Variants in FGF13 observed in about 807,000 individuals in gnomAD.
FGF13 encodes the protein fibroblast growth factor homologous factor 2.
In FGF13, 2 loss-of-function variants were observed where a neutral mutation model predicts 19.5. That is an observed-to-expected ratio of 0.10 (90% CI 0.04 to 0.32). The LOEUF is 0.32. Ranked by LOEUF, FGF13 falls within the 10% of genes least tolerant of loss-of-function variation. The pLI is 1.00. For synonymous variants in FGF13, 72 were observed against 76.9 expected (o/e 0.94, Z 0.33); for missense variants, 113 against 192.7 (o/e 0.59, Z 2.45).
intron 3 of FGF13, among the ~76,000 whole-genome samples, chrX:138,804,729 G>T (rs2090853463): frequency 8.9e-6 from 1 of 112,041 alleles, no homozygotes; most frequent in African/African-American, 3.2e-5. Context: ...TCAAGTCTGT[G>T]CTGTATAAGT....
intron 1 of FGF13, among the ~76,000 whole-genome samples, chrX:138,733,505 A>T (rs1479258996): frequency 9.0e-6 from 1 of 111,409 alleles, no homozygotes; most frequent in African/African-American, 3.3e-5. Flanking sequence ...ACAAACCAAA[A>T]CTTGCTGAAA....
rs200098599 is a variant in FGF13 at position 138,930,735 on chromosome X, A to G, written c.-112-66085T>C. Among the ~76,000 whole-genome samples, 13 of 112,065 alleles carry G rather than the reference A, an allele frequency of 1.2e-4. No individual in the cohort carries two copies. The East Asian group carries it at 3.7e-3, about 31-fold the overall frequency. The stretch of plus-strand genomic sequence containing the variant: ...ATAAGCCCAGCTGCTTCTGTACTGC[A>G]GCTGTTTACCAAAAGTGCATCACAG... On this transcript the variant is annotated intron_variant, in intron 1 of 2. Transcript: ENST00000421460.
At chrX:139,141,102 T>TACAC (rs748785543) in intron 1 of FGF13, among the ~76,000 whole-genome samples, 2,693 of 97,140 alleles carry the variant, frequency 0.028, 75 homozygotes, top group East Asian at 0.093. Context: ...GATAAGAGTG[T>TACAC]ACACACACAC....
At chrX:138,647,603 C>A (rs1244789261) in intron 3 of FGF13, among the ~76,000 whole-genome samples, 1 of 111,574 alleles carries the variant, frequency 9.0e-6, no homozygotes, top group Non-Finnish European at 1.9e-5. Flanking sequence ...ATTTGGCTTG[C>A]CTTGTATTTC....
At chrX:138,940,405 C>G (rs957639326) in intron 1 of FGF13, among the ~76,000 whole-genome samples, 2 of 111,843 alleles carry the variant, frequency 1.8e-5, no homozygotes, top group Non-Finnish European at 3.8e-5. Context: ...TTGATAGTTT[C>G]TTTTGCTGTG....
Position 138,701,128 on chromosome X carries a change from A to G in FGF13, c.402+1856T>C, listed in dbSNP as rs141399900. 5.8e-3 allele frequency among the ~76,000 whole-genome samples: 648 copies of G among 112,263 alleles called. 3 individuals carry two copies. The highest frequency in any genetic ancestry group is 0.019 in the African/African-American group (583 of 30,911). On this transcript the variant is annotated intron_variant, in intron 3 of 4. Coordinates refer to ENST00000315930, the MANE Select transcript of FGF13 (RefSeq NM_004114.5). ...CTTCAATTGTGATGTTGCAAAATTT[A>G]TATTTAGTTAGCTTTTCTCATCAGG...
chrX:138,943,826 A>G (rs1765037629), intron 1 of FGF13, among the ~76,000 whole-genome samples: 2 of 111,726 alleles, frequency 1.8e-5, no homozygotes, highest in African/African-American at 6.5e-5. Flanking sequence ...GGATAAGTGG[A>G]CACTATTTGA....
intron 1 of FGF13, among the ~76,000 whole-genome samples, chrX:139,065,653 G>A (rs1197667765): frequency 9.1e-6 from 1 of 110,131 alleles, no homozygotes; most frequent in Non-Finnish European, 1.9e-5. Flanking sequence ...ACCCAAAACG[G>A]GAGTACCCAG....
chrX:138,956,500 T>C (rs745583566), intron 1 of FGF13, among the ~76,000 whole-genome samples: 11 of 111,213 alleles, frequency 9.9e-5, no homozygotes, highest in African/African-American at 3.6e-4. Context: ...TGGCTGAGAC[T>C]CTGTCCTAGG....
chrX:139,018,781 CT>C (rs58280667), intron 1 of FGF13, among the ~76,000 whole-genome samples: 1,083 of 105,142 alleles, frequency 0.01, 11 homozygotes, highest in African/African-American at 0.033. Flanking sequence ...CTCCTTTACT[CT>C]TTTTTTTTTT....
chrX:139,100,658 T>C (rs929306466), intron 1 of FGF13, among the ~76,000 whole-genome samples: 2 of 111,736 alleles, frequency 1.8e-5, no homozygotes, highest in African/African-American at 6.5e-5. Context: ...CTGCAAATGA[T>C]AGGATTCCTC....
chrX:138,757,856 T>G (rs1189450327), intron 3 of FGF13, among the ~76,000 whole-genome samples: 1 of 111,684 alleles, frequency 9.0e-6, no homozygotes, highest in Non-Finnish European at 1.9e-5. Context: ...TTAGCAACCC[T>G]GTGAATTGGT....
chrX:138,828,768 T>C (rs1274963034), intron 3 of FGF13, among the ~76,000 whole-genome samples: 4 of 109,783 alleles, frequency 3.6e-5, no homozygotes, highest in Non-Finnish European at 7.6e-5. Flanking sequence ...TCCATTTACT[T>C]TGTATGCACC....
At chrX:138,850,340 G>T (rs1266778607) in intron 3 of FGF13, among the ~76,000 whole-genome samples, 1 of 111,428 alleles carries the variant, frequency 9.0e-6, no homozygotes, top group African/African-American at 3.3e-5. Context: ...TGTGTTTGCT[G>T]CCATAAGGTA....
At chrX:138,760,516 G>T (rs1377199679) in intron 3 of FGF13, among the ~76,000 whole-genome samples, 8 of 111,687 alleles carry the variant, frequency 7.2e-5, no homozygotes, top group Non-Finnish European at 1.5e-4. Flanking sequence ...CACCAAGGTG[G>T]GCAGGGGAGG....
intron 3 of FGF13, among the ~76,000 whole-genome samples, chrX:138,783,938 G>A (rs1175320620): frequency 9.5e-6 from 1 of 105,516 alleles, no homozygotes; most frequent in African/African-American, 3.4e-5. Flanking sequence ...ATGATAGACT[G>A]GATTAAGAAA....
rs189572700 is a variant in FGF13, at chrX:138,768,063, G to T, written c.218-59135C>A. ...GCAAAGTTACAGAGGTTTAGGACTTGGCCCTTAGCCCTTTTTGATCACTAC... is the reference window on the plus strand; with the variant it reads ...GCAAAGTTACAGAGGTTTAGGACTTTGCCCTTAGCCCTTTTTGATCACTAC... On this transcript the variant is annotated intron_variant, in intron 3 of 6. Coordinates refer to the FGF13 transcript ENST00000436198. 1.3e-4 allele frequency among the ~76,000 whole-genome samples: 15 copies of T among 112,003 alleles called. No individual in the cohort carries two copies. In the East Asian group the frequency reaches 4.2e-3, roughly 32 times the overall value.
At chrX:138,699,442 C>G (rs2089926024) in intron 3 of FGF13, among the ~76,000 whole-genome samples, 1 of 111,224 alleles carries the variant, frequency 9.0e-6, no homozygotes, top group Admixed American at 9.6e-5. Context: ...ACCCTGTGTT[C>G]TGCCCTAAAT....
intron 3 of FGF13, among the ~76,000 whole-genome samples, chrX:138,825,180 G>A (rs1444487676): frequency 9.0e-6 from 1 of 111,502 alleles, no homozygotes; most frequent in Non-Finnish European, 1.9e-5. Context: ...GCTTACTGGG[G>A]AAATGTATAC....
Sources: allele counts gnomAD v4.1 joint callset (sites outside exome capture counted in the v4.1 genomes callset), GRCh38; gene constraint gnomAD v4.1.1; transcripts MANE v1.5; gene names NCBI Gene and HGNC (gene_info 2026-07-23, HGNC 2026-07-21).